POLB: variants seen among roughly 807,000 people sequenced by gnomAD.
POLB encodes DNA polymerase beta, also known as 5'-dRP lyase.
POLB carries 37 observed loss-of-function variants against 52.7 expected under a neutral mutation model. The observed-to-expected ratio is 0.70, with a 90% CI of 0.54 to 0.92. The LOEUF (loss-of-function observed/expected upper bound fraction) is 0.92. POLB is among the 40% of genes least tolerant of loss of function. The probability of loss-of-function intolerance (pLI) is 0.00; values close to 1 mark genes in which losing one functional copy is unlikely to be tolerated. For missense variants in POLB, 313 were observed against 400.8 expected (o/e 0.78, Z 1.87); for synonymous variants, 138 against 131.3 (o/e 1.05, Z -0.35).
At chr8:42,355,386 A>T in intron 6 of POLB, 130 bp from the exon 7 acceptor site, 1 of 629,910 alleles carries the variant, frequency 1.6e-6, no homozygotes. Context: ...TTTTTGTCTC[A>T]TTGTGTTTTC....
chr8:42,345,592 TA>T (rs1822561600), intron 3 of POLB, among the ~76,000 whole-genome samples: 1 of 152,124 alleles, frequency 6.6e-6, no homozygotes, highest in Non-Finnish European at 1.5e-5. Context: ...GGGAACAGAT[TA>T]TTTTGGATTT....
chr8:42,348,557 A>G (rs1221884022), intron 3 of POLB, among the ~76,000 whole-genome samples: 1 of 152,154 alleles, frequency 6.6e-6, no homozygotes, highest in African/African-American at 2.4e-5. Context: ...AGACATGGTG[A>G]ATGAGAAACT....
At position 42,344,964 on chromosome 8, in the gene POLB, C is replaced by A. The variant is rs948158277; in HGVS notation, c.131C>A (p.Ser44Tyr). 6.2e-7 allele frequency: 1 copy of A among 1,600,980 alleles called. No homozygotes were observed. Among genetic ancestry groups the A allele is most frequent in the African/African-American group, 1.3e-5 (1 of 74,642 alleles). ...TTCTTTCCTTATAGAAAAGCAGCAT[C>A]TGTTATAGCAAAATACCCACACAAA... ...HKYNAYRKAA[S>Y]VIAKYPHKIK... The change falls in exon 3 of 14, where the codon TCT (serine) becomes TAT (tyrosine). Residue 44 changes from serine (S) to tyrosine (Y), a missense_variant. Ser to Tyr is a moderately radical substitution (Grantham distance 144). This residue lies in a region of POLB where 54 missense variants were observed against 63.4 expected (regional missense o/e 0.85). Transcript: ENST00000265421.
At chr8:42,342,683 G>A in intron 2 of POLB, 1 of 525,694 alleles carries the variant, frequency 1.9e-6, no homozygotes, top group Non-Finnish European at 3.4e-6. Context: ...GGGTGGAAAG[G>A]CGGGAGCAAT....
chr8:42,340,098 A>G (rs1019622865), intron 2 of POLB: 1 of 151,992 alleles, frequency 6.6e-6, no homozygotes, highest in Non-Finnish European at 1.5e-5. Context: ...CCTACGTCTC[A>G]TCTTATTGGA....
chr8:42,359,808 G>A (rs1262348322), intron 9 of POLB, among the ~76,000 whole-genome samples: 1 of 151,168 alleles, frequency 6.6e-6, no homozygotes, highest in African/African-American at 2.4e-5. Flanking sequence ...TTTTAATAAA[G>A]TGAAACATTT....
intron 4 of POLB, among the ~76,000 whole-genome samples, chr8:42,349,697 A>G (rs147599448): frequency 9.9e-5 from 15 of 152,256 alleles, no homozygotes; most frequent in African/African-American, 3.4e-4. Context: ...CATCTTTTAG[A>G]ATTTCTATGT....
At chr8:42,366,259 T>C (rs951691532) in intron 11 of POLB, among the ~76,000 whole-genome samples, 1 of 152,130 alleles carries the variant, frequency 6.6e-6, no homozygotes, top group African/African-American at 2.4e-5. Context: ...CACTCACCCA[T>C]CCTAGGATAG....
chr8:42,338,943 C>G, intron 1 of POLB, 69 bp from the exon 2 acceptor site: 1 of 1,360,630 alleles, frequency 7.3e-7, no homozygotes, highest in African/African-American at 1.4e-5. Flanking sequence ...GCCATATCCC[C>G]TTCCAGAAAA....
At chr8:42,344,783 C>T (rs1414843740) in intron 2 of POLB, among the ~76,000 whole-genome samples, 170 bp from the exon 3 acceptor site, 1 of 152,002 alleles carries the variant, frequency 6.6e-6, no homozygotes, top group African/African-American at 2.4e-5. Flanking sequence ...CTGCTGCACT[C>T]CAGCCTGGCA....
intron 5 of POLB, 138 bp from the exon 6 acceptor site, chr8:42,352,381 G>A (rs1244010689): frequency 2.9e-6 from 2 of 684,394 alleles, no homozygotes; most frequent in African/African-American, 1.8e-5. Flanking sequence ...GGATACAGTT[G>A]AACATTACCA....
intron 5 of POLB, among the ~76,000 whole-genome samples, chr8:42,351,820 T>C (rs1182929701): frequency 1.3e-5 from 2 of 152,214 alleles, no homozygotes; most frequent in African/African-American, 2.4e-5. Flanking sequence ...TCACCATGGC[T>C]CTAAAAGCAC....
chr8:42,342,459 A>G (rs1822264369), intron 2 of POLB: 18 of 1,236,078 alleles, frequency 1.5e-5, no homozygotes, highest in Non-Finnish European at 2.0e-5. Flanking sequence ...GACAATTGAT[A>G]TCTCTGTTTG....
intron 1 of POLB, 87 bp from the exon 2 acceptor site, chr8:42,338,925 T>C: frequency 8.3e-7 from 1 of 1,199,404 alleles, no homozygotes; most frequent in African/African-American, 1.5e-5. Context: ...CACTGTCTCT[T>C]AGAGGCTGCC....
chr8:42,362,717 T>A lies in POLB; in HGVS notation c.708+19T>A, dbSNP rs771454614. 7.5e-5 allele frequency: 107 copies of A among 1,426,874 alleles called. No homozygotes were observed. The highest frequency in any genetic ancestry group is 9.8e-5 in the Non-Finnish European group (99 of 1,015,146). The allele number at this position is 1,426,874 out of a possible 1,614,324, so 88.4% of individuals were successfully genotyped here. A position where few individuals can be genotyped will look rare whatever the true frequency, so the allele number is the denominator to read the frequency against. On this transcript the variant is annotated intron_variant, in intron 11 of 13. Coordinates refer to ENST00000265421, the MANE Select transcript of POLB (RefSeq NM_002690.3). ...GTTCATGGTAAGTACTTGTTAGAGT[T>A]AGCACATCTAAAAAAAAACTTGGAG...
At chr8:42,343,345 A>AAAAAAAAAAATATATATATAT (rs1554531633) in intron 2 of POLB, among the ~76,000 whole-genome samples, 1 of 33,064 alleles carries the variant, frequency 3.0e-5, no homozygotes, top group African/African-American at 5.9e-5. Context: ...AAAAAAAAAA[A>AAAAAAAAAAATATATATATAT]ATATATATAT....
chr8:42,361,463 T>C, intron 10 of POLB, 98 bp downstream of exon 10: 2 of 882,988 alleles, frequency 2.3e-6, no homozygotes, highest in Non-Finnish European at 3.8e-6. Context: ...AGTTTTGTTT[T>C]CGCCTTCCTG....
At position 42,343,321 on chromosome 8, in the gene POLB, C is replaced by CAAAAAAA. The variant is rs1157325948; in HGVS notation, c.120-1613_120-1607dup. Among the ~76,000 whole-genome samples the CAAAAAAA allele has an allele frequency of 3.2e-3, 9 of 2,818 alleles. 2 individuals carry two copies. The highest frequency in any genetic ancestry group is 5.2e-3 in the Non-Finnish European group (6 of 1,154). The allele number at this position is 2,818 out of a possible 152,430, so 1.8% of individuals were successfully genotyped here. A position where few individuals can be genotyped will look rare whatever the true frequency, so the allele number is the denominator to read the frequency against. Reference sequence around the variant, plus strand: ...TGGGAGACAGAGCAAGACTGCGTCTCAAAAAAAAAAAAAAAAAAAAAAAAA... The same window carrying CAAAAAAA: ...TGGGAGACAGAGCAAGACTGCGTCTCAAAAAAAAAAAAAAAAAAAAAAAAAAAAAAAA... On this transcript the variant is annotated intron_variant, in intron 2 of 13. Coordinates refer to ENST00000265421, the MANE Select transcript of POLB (RefSeq NM_002690.3).
chr8:42,341,911 C>A (rs1204702356), intron 2 of POLB: 2 of 646,788 alleles, frequency 3.1e-6, no homozygotes, highest in African/African-American at 1.8e-5. Context: ...AGACTGGATT[C>A]TCTCCTATAG....
Sources: gnomAD v4.1 joint callset for allele counts (sites outside exome capture counted in the v4.1 genomes callset) on GRCh38, gnomAD v4.1.1 for gene constraint, gnomAD v4.1.1 regional missense constraint, MANE v1.5 for transcripts, NCBI Gene and HGNC (gene_info 2026-07-23, HGNC 2026-07-21) for gene names.